CNBD1: variants seen among roughly 807,000 people sequenced by gnomAD.
The protein encoded by CNBD1 is cyclic nucleotide-binding domain-containing protein 1.
Under a neutral mutation model 54.4 loss-of-function variants are expected in CNBD1, and 71 were observed. The ratio of observed to expected loss-of-function variants is 1.30; its 90% CI spans 1.08 to 1.59. The LOEUF (loss-of-function observed/expected upper bound fraction) is 1.59. Among genes scored for constraint, CNBD1 ranks in the 40% most tolerant of loss-of-function variants. The pLI is 0.00. For missense variants in CNBD1, 659 were observed against 518.0 expected (o/e 1.27, Z -2.64); for synonymous variants, 182 against 170.7 (o/e 1.07, Z -0.51).
chr8:87,275,559 G>A (rs537746090), intron 6 of CNBD1, among the ~76,000 whole-genome samples: 1 of 151,718 alleles, frequency 6.6e-6, no homozygotes, highest in South Asian at 2.1e-4. Context: ...ATTAGGTATT[G>A]ATGGGACGTA....
At position 86,963,635 on chromosome 8, in the gene CNBD1, T is replaced by G. The variant is rs549065988; in HGVS notation, c.431+23881T>G. 9.9e-5 allele frequency among the ~76,000 whole-genome samples: 15 copies of G among 152,264 alleles called. No individual in the cohort carries two copies. The South Asian group carries it at 2.3e-3, about 23-fold the overall frequency. On this transcript the variant is annotated intron_variant, in intron 4 of 10. Coordinates refer to ENST00000518476, the MANE Select transcript of CNBD1 (RefSeq NM_173538.3). ...AGTCCCAGTAACTGGGGACCTGGCC[T>G]ACGAAGGTGACAACTAAGAGATTGG...
At position 87,351,771 on chromosome 8, in the gene CNBD1, G is replaced by A. The variant is rs750707982; in HGVS notation, c.1129G>A (p.Val377Met). Residue 377 changes from valine (V) to methionine (M), a missense_variant, in exon 9 of 11, where the codon GTG becomes ATG. Physicochemically the swap from Val to Met is conservative, Grantham distance 21. Coordinates refer to ENST00000518476, the MANE Select transcript of CNBD1 (RefSeq NM_173538.3). Reference sequence around the variant, plus strand: ...CATTTATAGAAGTATTATAGGATTTGTGAAACTACGATCAAATAAAGTGGT... The same window carrying A: ...CATTTATAGAAGTATTATAGGATTTATGAAACTACGATCAAATAAAGTGGT... The part of the protein sequence containing the change: ...CNIYRSIIGF[V>M]KLRSNKVKRS... The A allele has an allele frequency of 5.3e-6, 8 of 1,509,926 alleles. No homozygotes were observed. The highest frequency in any genetic ancestry group is 7.1e-6 in the Non-Finnish European group (8 of 1,134,530). 93.5% of individuals were successfully genotyped at this position (1,509,926 alleles called of 1,614,324 possible). A position where few individuals can be genotyped will look rare whatever the true frequency, so the allele number is the denominator to read the frequency against.
chr8:87,040,385 T>C (rs994685503), intron 4 of CNBD1, among the ~76,000 whole-genome samples: 14 of 152,096 alleles, frequency 9.2e-5, no homozygotes, highest in African/African-American at 3.4e-4. Context: ...TATTTACAAA[T>C]GCATTTACTT....
At chr8:86,991,018 T>A (rs1808733109) in intron 4 of CNBD1, among the ~76,000 whole-genome samples, 1 of 152,158 alleles carries the variant, frequency 6.6e-6, no homozygotes, top group Non-Finnish European at 1.5e-5. Context: ...TACTACAAAA[T>A]TTTGTTCATT....
intron 4 of CNBD1, among the ~76,000 whole-genome samples, chr8:87,098,338 G>C (rs966021087): frequency 1.3e-5 from 2 of 152,112 alleles, no homozygotes; most frequent in African/African-American, 4.8e-5. Flanking sequence ...ATAAAATAGT[G>C]AACAAAATAG....
intron 2 of CNBD1, among the ~76,000 whole-genome samples, chr8:87,411,405 T>C (rs73693652): frequency 8.1e-5 from 10 of 123,362 alleles, no homozygotes; most frequent in African/African-American, 3.6e-4. Context: ...ATCATATATA[T>C]ATATATATAT....
At chr8:87,385,234 A>G (rs1811158196), downstream of CNBD1, among the ~76,000 whole-genome samples, 1 of 152,090 alleles carries the variant, frequency 6.6e-6, no homozygotes, top group Admixed American at 6.5e-5. Context: ...CAACTGAGCT[A>G]CCGGGTTCAT....
At chr8:87,077,780 A>G (rs1232726019) in intron 4 of CNBD1, among the ~76,000 whole-genome samples, 3 of 151,980 alleles carry the variant, frequency 2.0e-5, no homozygotes, top group Admixed American at 6.6e-5. Context: ...GTATTCCATG[A>G]TGTATATATG....
At chr8:87,369,542 C>A (rs1005795619) in intron 10 of CNBD1, among the ~76,000 whole-genome samples, 3 of 151,882 alleles carry the variant, frequency 2.0e-5, no homozygotes, top group African/African-American at 4.8e-5. Context: ...GTCTTTATTT[C>A]TTTTTCATGT....
intron 4 of CNBD1, among the ~76,000 whole-genome samples, chr8:87,048,743 A>T (rs769007702): frequency 6.6e-6 from 1 of 152,220 alleles, no homozygotes; most frequent in African/African-American, 2.4e-5. Flanking sequence ...CTTTTGGCAC[A>T]TGGGTGAAGT....
intron 2 of CNBD1, among the ~76,000 whole-genome samples, chr8:87,408,834 T>C (rs1021219299): frequency 4.6e-5 from 7 of 152,104 alleles, no homozygotes. Flanking sequence ...ACTATTGTAA[T>C]TGTTTTGGGA....
intron 3 of CNBD1, among the ~76,000 whole-genome samples, chr8:86,917,736 A>C (rs1168640391): frequency 1.3e-5 from 2 of 152,172 alleles, no homozygotes; most frequent in Non-Finnish European, 2.9e-5. Flanking sequence ...GAACATGATG[A>C]TGATCAGCTG....
chr8:87,014,271 A>G (rs1439253608), intron 4 of CNBD1, among the ~76,000 whole-genome samples: 2 of 51,156 alleles, frequency 3.9e-5, no homozygotes, highest in Non-Finnish European at 7.4e-5. Context: ...TAGAATTGTT[A>G]GCAGTTTTTT....
At chr8:87,195,745 G>A (rs1276968900) in intron 4 of CNBD1, among the ~76,000 whole-genome samples, 1 of 150,234 alleles carries the variant, frequency 6.7e-6, no homozygotes, top group African/African-American at 2.5e-5. Context: ...GCTAATTTTT[G>A]TATTGTTAGT....
chr8:86,871,839 T>A (rs891049951), intron 1 of CNBD1, among the ~76,000 whole-genome samples: 1 of 152,212 alleles, frequency 6.6e-6, no homozygotes, highest in African/African-American at 2.4e-5. Context: ...TAGCTCAGGT[T>A]CAAGGTAGTG....
intron 9 of CNBD1, among the ~76,000 whole-genome samples, chr8:87,352,105 A>G (rs1681384184): frequency 6.6e-6 from 1 of 152,194 alleles, no homozygotes; most frequent in African/African-American, 2.4e-5. Context: ...AGATTGGCTA[A>G]GATGCACTTA....
chr8:87,011,290 C>T (rs1353494267), intron 4 of CNBD1, among the ~76,000 whole-genome samples: 11 of 150,756 alleles, frequency 7.3e-5, no homozygotes, highest in African/African-American at 2.0e-4. Flanking sequence ...TTCTGCTTGA[C>T]TCTTTGGCCT....
intron 6 of CNBD1, among the ~76,000 whole-genome samples, chr8:87,242,468 C>G (rs1234568108): frequency 3.9e-5 from 6 of 151,990 alleles, no homozygotes; most frequent in African/African-American, 4.8e-5. Flanking sequence ...ATTAATTAAC[C>G]CTTTATATTA....
chr8:87,205,611 AAAC>A (rs1439718950), intron 4 of CNBD1, among the ~76,000 whole-genome samples: 1 of 152,182 alleles, frequency 6.6e-6, no homozygotes, highest in Non-Finnish European at 1.5e-5. Context: ...TAAACAGTGG[AAAC>A]AACATTAATC....
Sources: allele counts gnomAD v4.1 joint callset (sites outside exome capture counted in the v4.1 genomes callset), GRCh38; gene constraint gnomAD v4.1.1; transcripts MANE v1.5; gene names NCBI Gene and HGNC (gene_info 2026-07-23, HGNC 2026-07-21).